PCDHA9: variants seen among roughly 807,000 people sequenced by gnomAD.
PCDHA9 encodes protocadherin alpha 9, also known as protocadherin alpha-9.
Under a neutral mutation model 62.0 loss-of-function variants are expected in PCDHA9, and 62 were observed. The ratio of observed to expected loss-of-function variants is 1.00; its 90% confidence interval spans 0.81 to 1.23. The LOEUF (loss-of-function observed/expected upper bound fraction) is 1.23. Ranked by LOEUF, PCDHA9 falls within the 50% of genes most tolerant of loss-of-function variation. The pLI, the probability that PCDHA9 is intolerant of heterozygous loss-of-function variation, is 0.00. For synonymous variants in PCDHA9, 557 were observed against 567.6 expected, an observed-to-expected ratio of 0.98 and a Z score of 0.27; for missense variants, 1,205 against 1,249.8, an observed-to-expected ratio of 0.96 and a Z score of 0.54.
rs371368253 is a variant in PCDHA9, at chr5:140,871,153, G to C, written c.2394+20264G>C. 77 of 1,613,298 alleles carry C rather than the reference G, an allele frequency of 4.8e-5. No homozygotes were observed. The African/African-American group carries it at 9.2e-4, about 19-fold the overall frequency. On this transcript the variant is annotated intron_variant, in intron 1 of 3. Transcript: ENST00000532602. ...AAAGGCCTCTTCCCGGACTTTGGCG[G>C]GCGCCGCGAGCCCAGAGGCTGCGCT...
At position 140,876,690 on chromosome 5, in the gene PCDHA9, G is replaced by A. The variant is rs73793508; in HGVS notation, c.2394+25801G>A. The A allele has an allele frequency of 1.7e-3, 2,720 of 1,614,174 alleles. 43 individuals are homozygous for A. The African/African-American group carries it at 0.033, about 20-fold the overall frequency. ...TGTCCACCTACAAGAATTACTACTC[G>A]TTGGTGCTGGACAGCGCCCTGGACC... On this transcript the variant is annotated intron_variant, in intron 1 of 3. Transcript: ENST00000532602.
At chr5:140,981,665 CCTTT>C (rs1170982670) in intron 2 of PCDHA9, among the ~76,000 whole-genome samples, 2 of 152,092 alleles carry the variant, frequency 1.3e-5, no homozygotes, top group Non-Finnish European at 2.9e-5. Flanking sequence ...TTTCTTCCTT[CCTTT>C]CTTCCTTCCT....
In PCDHA9 at chr5:140,849,253, A is replaced by G. The variant is rs2150433533; in HGVS notation, c.758A>G (p.Glu253Gly). 179 of 1,102,320 alleles carry G rather than the reference A, an allele frequency of 1.6e-4. 8 individuals carry two copies. Among genetic ancestry groups the G allele is most frequent in the Middle Eastern group, 1.5e-3 (5 of 3,306 alleles). The allele number at this position is 1,102,320 out of a possible 1,614,324, so 68.3% of individuals were successfully genotyped here. Residue 253 changes from glutamate (E) to glycine (G), a missense_variant, in exon 1 of 4, where the codon GAA (glutamate) becomes GGA (glycine). By Grantham distance (98) the Glu-to-Gly change is moderately conservative (BLOSUM62 -2). Coordinates refer to ENST00000532602, the MANE Select transcript of PCDHA9 (RefSeq NM_031857.2). Reference protein sequence around the residue: ...DRTLYTVKLPENVSIGTLVIH... With the variant: ...DRTLYTVKLPGNVSIGTLVIH... ...ACCCTGTATACGGTGAAATTACCAG[A>G]AAACGTTTCTATCGGAACGCTGGTG...
chr5:140,906,893 GT>G (rs1191460812), intron 1 of PCDHA9, among the ~76,000 whole-genome samples: 7 of 152,170 alleles, frequency 4.6e-5, no homozygotes, highest in Admixed American at 6.5e-5. Context: ...TTCTTAGATT[GT>G]TGGTTTAAAG....
In PCDHA9 at chr5:140,882,282, G is replaced by T. The variant is rs145553181; in HGVS notation, c.2394+31393G>T. On this transcript the variant is annotated intron_variant, in intron 1 of 3. Coordinates refer to ENST00000532602, the MANE Select transcript of PCDHA9 (RefSeq NM_031857.2). Reference sequence around the variant, plus strand: ...TTGGAGTGTACCATGCTGTCTTCCTGGCAAGGAGGCCCAAGACCGCGGCAA... The same window carrying T: ...TTGGAGTGTACCATGCTGTCTTCCTTGCAAGGAGGCCCAAGACCGCGGCAA... 4.2e-5 allele frequency: 68 copies of T among 1,612,712 alleles called. No individual in the cohort carries two copies. The African/African-American group carries it at 8.4e-4, about 20-fold the overall frequency.
At chr5:141,009,501 C>G in intron 3 of PCDHA9, 126 bp from the exon 4 acceptor site, 2 of 1,492,598 alleles carry the variant, frequency 1.3e-6, no homozygotes, top group Non-Finnish European at 1.8e-6. Context: ...CAGACTTGAA[C>G]AAACAACTCG....
At chr5:140,909,043 C>T (rs2074280472) in intron 1 of PCDHA9, among the ~76,000 whole-genome samples, 1 of 152,188 alleles carries the variant, frequency 6.6e-6, no homozygotes, top group Non-Finnish European at 1.5e-5. Flanking sequence ...TTTCCATACT[C>T]TGGCATGCAA....
rs2150486791 is a variant in PCDHA9 at position 140,850,510 on chromosome 5, G to C, written c.2015G>C (p.Ser672Thr). The C allele has an allele frequency of 3.8e-6, 6 of 1,598,136 alleles. No homozygotes were observed. In the African/African-American group the frequency reaches 4.0e-5, roughly 11 times the overall value. The change falls in exon 1 of 4, where the codon AGC becomes ACC. Residue 672 changes from serine (S) to threonine (T), a missense_variant. Coordinates refer to ENST00000532602, the MANE Select transcript of PCDHA9 (RefSeq NM_031857.2). ...ACTGTGCTGGTGTCGCTGGTGGAGA[G>C]CGGCCAGGCGCCAAAGTCATCGTCG... ...TATVLVSLVE[S>T]GQAPKSSSRA...
intron 1 of PCDHA9, among the ~76,000 whole-genome samples, chr5:140,972,724 C>T (rs953044769): frequency 1.9e-4 from 27 of 140,890 alleles, no homozygotes; most frequent in Non-Finnish European, 3.3e-4. Context: ...AGTGCAGTGG[C>T]GTAATCCCGG....
chr5:140,967,728 G>C (rs781785028), intron 1 of PCDHA9: 13 of 1,614,176 alleles, frequency 8.1e-6, no homozygotes, highest in Non-Finnish European at 1.1e-5. Flanking sequence ...CGAGTAATTG[G>C]GGGGCTGGAT....
At chr5:140,928,489 C>A in intron 1 of PCDHA9, 1 of 1,614,152 alleles carries the variant, frequency 6.2e-7, no homozygotes. Context: ...TGGTGGCATT[C>A]CTCCCAGAAG....
chr5:141,000,894 ATAGACGCT>A (rs1348330251), intron 3 of PCDHA9, among the ~76,000 whole-genome samples: 1 of 152,128 alleles, frequency 6.6e-6, no homozygotes, highest in African/African-American at 2.4e-5. Context: ...GGCAACAGAT[ATAGACGCT>A]GTCTCTAAAA....
intron 1 of PCDHA9, among the ~76,000 whole-genome samples, chr5:140,920,549 G>T (rs957534849): frequency 6.6e-6 from 1 of 152,120 alleles, no homozygotes; most frequent in Non-Finnish European, 1.5e-5. Flanking sequence ...TTTCACCTTC[G>T]AAGTGTGGCC....
At chr5:140,893,380 C>A (rs1554185596) in intron 1 of PCDHA9, among the ~76,000 whole-genome samples, 1 of 152,130 alleles carries the variant, frequency 6.6e-6, no homozygotes, top group African/African-American at 2.4e-5. Context: ...ATTTATGGGA[C>A]AGTGGCTCAT....
intron 1 of PCDHA9, chr5:140,875,942 C>T: frequency 1.2e-6 from 2 of 1,614,190 alleles, no homozygotes; most frequent in Non-Finnish European, 1.7e-6. Context: ...CTAGAGGGCG[C>T]TTCTGATGCG....
chr5:140,969,040 A>G (rs1554231380), intron 1 of PCDHA9: 1 of 1,614,150 alleles, frequency 6.2e-7, no homozygotes. Context: ...AACTGTACAA[A>G]CAAGCCAACA....
intron 1 of PCDHA9, among the ~76,000 whole-genome samples, chr5:140,971,016 A>G (rs1554232958): frequency 6.6e-6 from 1 of 152,208 alleles, no homozygotes; most frequent in African/African-American, 2.4e-5. Flanking sequence ...AAGTCTTTAG[A>G]TCGTAGCATT....
intron 1 of PCDHA9, among the ~76,000 whole-genome samples, chr5:140,972,728 A>T (rs189687890): frequency 6.8e-6 from 1 of 147,854 alleles, no homozygotes; most frequent in East Asian, 2.0e-4. Context: ...CAGTGGCGTA[A>T]TCCCGGCTCA....
At position 140,855,260 on chromosome 5, in the gene PCDHA9, A is replaced by G. The variant is rs146587233; in HGVS notation, c.2394+4371A>G. ...TACTATTGCAAGCACTTACTATATT[A>G]TAATTCACTCAACCACCGTATTACT... is the stretch of plus-strand genomic sequence containing the variant. On this transcript the variant is annotated intron_variant, in intron 1 of 3. Coordinates refer to ENST00000532602, the MANE Select transcript of PCDHA9 (RefSeq NM_031857.2). Among the ~76,000 whole-genome samples, 51 of 149,956 alleles carry G rather than the reference A, an allele frequency of 3.4e-4. No homozygotes were observed. In the East Asian group the frequency reaches 7.5e-3, roughly 22 times the overall value.
Sources: allele counts gnomAD v4.1 joint callset (sites outside exome capture counted in the v4.1 genomes callset), GRCh38; gene constraint gnomAD v4.1.1; transcripts MANE v1.5; gene names NCBI Gene and HGNC (gene_info 2026-07-23, HGNC 2026-07-21).